SYK: variants seen among roughly 807,000 people sequenced by gnomAD.
SYK encodes spleen associated tyrosine kinase.
Under a neutral mutation model 77.8 loss-of-function variants are expected in SYK, and 16 were observed. The observed-to-expected ratio is 0.21, with a 90% CI of 0.14 to 0.31. SYK has a LOEUF of 0.31. Ranked by LOEUF, SYK falls within the 10% of genes least tolerant of loss-of-function variation. The pLI, the probability that SYK is intolerant of heterozygous loss-of-function variation, is 1.00. For synonymous variants in SYK, 312 were observed against 308.7 expected (o/e 1.01, Z -0.11); for missense variants, 529 against 814.4 (o/e 0.65, Z 4.26).
At chr9:90,813,501 C>G (rs1231079629) in intron 1 of SYK, among the ~76,000 whole-genome samples, 1 of 152,184 alleles carries the variant, frequency 6.6e-6, no homozygotes, top group East Asian at 1.9e-4. Flanking sequence ...GCAGACCAGG[C>G]CTCGGGGTCT....
chr9:90,884,197 A>G (rs1365927318), intron 11 of SYK, among the ~76,000 whole-genome samples: 1 of 152,030 alleles, frequency 6.6e-6, no homozygotes, highest in Admixed American at 6.5e-5. Flanking sequence ...ACACACATAC[A>G]CATACGTGTA....
rs202000893 is a variant in SYK at position 90,862,254 on chromosome 9, C to T, written c.627C>T (p.His209=). ...GCTCCTACGCCCTGTGCCTGCTGCA[C>T]GAAGGGAAGGTGCTGCACTATCGCA... ...NNGSYALCLL[H]EGKVLHYRID... The change falls in exon 4 of 14, where the codon CAC becomes CAT. Residue 209 remains histidine, a synonymous_variant. Coordinates refer to ENST00000375754, the MANE Select transcript of SYK (RefSeq NM_003177.7). 1.9e-5 allele frequency: 30 copies of T among 1,613,912 alleles called. No individual in the cohort carries two copies. The highest frequency in any genetic ancestry group is 1.6e-4 in the Middle Eastern group (1 of 6,082).
chr9:90,815,288 C>T (rs1825249538), intron 1 of SYK, among the ~76,000 whole-genome samples: 1 of 152,160 alleles, frequency 6.6e-6, no homozygotes, highest in African/African-American at 2.4e-5. Flanking sequence ...CTTCCATTTG[C>T]TCATTTTGTA....
At chr9:90,827,394 A>G (rs1243641607) in intron 1 of SYK, 1 of 152,192 alleles carries the variant, frequency 6.6e-6, no homozygotes, top group South Asian at 2.1e-4. Context: ...CATTTCCCTA[A>G]TTACAGACAT....
At position 90,862,221 on chromosome 9, in the gene SYK, C is replaced by A. The variant is rs1827295535; in HGVS notation, c.594C>A (p.Asp198Glu). The A allele has an allele frequency of 6.2e-7, 1 of 1,612,464 alleles. No homozygotes were observed. Among genetic ancestry groups the A allele is most frequent in the East Asian group, 2.2e-5 (1 of 44,846 alleles). ...TCTCTTCTAGGATCCGAGCCAGAGACAACAACGGCTCCTACGCCCTGTGCC... is the reference window on the plus strand; with the variant it reads ...TCTCTTCTAGGATCCGAGCCAGAGAAAACAACGGCTCCTACGCCCTGTGCC... ...TNGKFLIRAR[D>E]NNGSYALCLL... is the part of the protein sequence containing the mutation. The change falls in exon 4 of 14, where the codon GAC becomes GAA. Residue 198 changes from aspartate to glutamate, a missense_variant. Asp to Glu is a conservative substitution (Grantham distance 45). Coordinates refer to ENST00000375754, the MANE Select transcript of SYK (RefSeq NM_003177.7).
intron 7 of SYK, among the ~76,000 whole-genome samples, chr9:90,870,165 T>G (rs1255308288): frequency 6.6e-6 from 1 of 152,088 alleles, no homozygotes; most frequent in Admixed American, 6.6e-5. Context: ...TAAACAAAAT[T>G]AACTTAAGAA....
At chr9:90,859,456 A>T (rs1827167785) in intron 3 of SYK, among the ~76,000 whole-genome samples, 1 of 152,144 alleles carries the variant, frequency 6.6e-6, no homozygotes, top group South Asian at 2.1e-4. Context: ...CCATTTGCTC[A>T]TTTTATTGCT....
At chr9:90,817,868 TGTGTGTGTGTGTGTGA>T (rs1378862600) in intron 1 of SYK, among the ~76,000 whole-genome samples, 1,006 of 42,240 alleles carry the variant, frequency 0.024, 11 homozygotes, top group Admixed American at 0.088. Context: ...TGTGTGTGTG[TGTGTGTGTGTGTGTGA>T]GAGAGAGAGA....
Position 90,850,898 on chromosome 9 carries a change from T to C in SYK, c.578+5304T>C, listed in dbSNP as rs566155950. ...TATTTTGGAGATCAAAATCTGATTA[T>C]AAATCCTAGGTAATGCAGTTCAAAA... On this transcript the variant is annotated intron_variant, in intron 3 of 13. Coordinates refer to ENST00000375754, the MANE Select transcript of SYK (RefSeq NM_003177.7). 6.6e-5 allele frequency among the ~76,000 whole-genome samples: 10 copies of C among 152,150 alleles called. No homozygotes were observed. In the South Asian group the frequency reaches 2.1e-3, roughly 32 times the overall value.
At chr9:90,886,755 T>C (rs115400383) in intron 11 of SYK, among the ~76,000 whole-genome samples, 1,797 of 152,260 alleles carry the variant, frequency 0.012, 36 homozygotes, top group African/African-American at 0.041. Flanking sequence ...AATTACCATA[T>C]GATCCAGCAA....
intron 1 of SYK, among the ~76,000 whole-genome samples, chr9:90,824,540 T>C (rs1825611331): frequency 6.6e-6 from 1 of 152,176 alleles, no homozygotes; most frequent in African/African-American, 2.4e-5. Flanking sequence ...GTGGAATTTA[T>C]TCCAGGTATG....
chr9:90,891,472 T>A (rs1403709106), intron 13 of SYK, among the ~76,000 whole-genome samples: 1 of 152,132 alleles, frequency 6.6e-6, no homozygotes, highest in East Asian at 1.9e-4. Context: ...ATGTTGAATA[T>A]CCCTGGCTCC....
intron 4 of SYK, 79 bp from the exon 5 acceptor site, chr9:90,864,510 T>A: frequency 7.9e-7 from 1 of 1,268,972 alleles, no homozygotes; most frequent in African/African-American, 1.5e-5. Context: ...AGCCCAACAG[T>A]CAGTCAGTAG....
chr9:90,864,591 A>G lies in SYK; in HGVS notation c.720A>G (p.Leu240=). The G allele has an allele frequency of 3.7e-6, 6 of 1,613,732 alleles. No homozygotes were observed. Among genetic ancestry groups the G allele is most frequent in the Non-Finnish European group, 5.1e-6 (6 of 1,179,708 alleles). ...EGKKFDTLWQ[L]VEHYSYKADG... ...TTTCTTACTTTTTTCTCTTTCAGCT[A>G]GTCGAGCATTATTCTTATAAAGCAG... Residue 240 remains leucine, a splice_region_variant and synonymous_variant, in exon 5 of 14, where the codon CTA becomes CTG. Transcript: ENST00000375754.
chr9:90,833,131 T>C (rs1320019326), intron 1 of SYK, among the ~76,000 whole-genome samples: 1 of 152,190 alleles, frequency 6.6e-6, no homozygotes, highest in African/African-American at 2.4e-5. Flanking sequence ...AGGGCTTTCA[T>C]GAGCTAGCTT....
intron 3 of SYK, among the ~76,000 whole-genome samples, chr9:90,855,688 G>GT (rs59765588): frequency 5.3e-5 from 8 of 151,032 alleles, no homozygotes; most frequent in East Asian, 1.9e-4. Context: ...GTGTGTGTGT[G>GT]GGTGTGTGTG....
At position 90,878,755 on chromosome 9, in the gene SYK, G is replaced by A. The variant is rs746304764; in HGVS notation, c.1392-9G>A. The A allele has an allele frequency of 3.5e-5, 56 of 1,598,044 alleles. 1 individual carries two copies. The South Asian group carries it at 5.4e-4, about 15-fold the overall frequency. On this transcript the variant is annotated splice_polypyrimidine_tract_variant and intron_variant, in intron 10 of 13. Transcript: ENST00000375754. ...CTGTTATAGCTGATGAGATCATTAT[G>A]ACTTTCAGACATGTCAAGGATAAGA...
At position 90,844,294 on chromosome 9, in the gene SYK, G is replaced by A; in HGVS notation, c.396G>A (p.Val132=). Residue 132 remains valine (V), a synonymous_variant, in exon 2 of 14, where the codon GTG becomes GTA. Transcript: ENST00000375754. ...AGGAAAACCTCATCAGGGAATATGT[G>A]AAGCAGACATGGAACCTGCAGGTGG... is the stretch of plus-strand genomic sequence containing the variant. The part of the protein sequence containing the change: ...DLKENLIREY[V]KQTWNLQGQA... 6.2e-7 allele frequency: 1 copy of A among 1,610,538 alleles called. No homozygotes were observed. Among genetic ancestry groups the A allele is most frequent in the Non-Finnish European group, 8.5e-7 (1 of 1,178,184 alleles).
In SYK at chr9:90,881,679, C is replaced by CAAA. The variant is rs10526591; in HGVS notation, c.1581+2735_1581+2737dup. Among the ~76,000 whole-genome samples the CAAA allele has an allele frequency of 6.7e-5, 6 of 89,424 alleles. 1 individual carries two copies. The highest frequency in any genetic ancestry group is 2.2e-4 in the African/African-American group (4 of 18,274). 58.7% of individuals were successfully genotyped at this position (89,424 alleles called of 152,430 possible). A position where few individuals can be genotyped will look rare whatever the true frequency, so the allele number is the denominator to read the frequency against. The stretch of plus-strand genomic sequence containing the variant: ...TGGCCAACAGAGCAAGACTCTGTCT[C>CAAA]AAAAAAAAAAAGGAATAAAAAGTGA... On this transcript the variant is annotated intron_variant, in intron 11 of 13. Coordinates refer to ENST00000375754, the MANE Select transcript of SYK (RefSeq NM_003177.7).
Sources: gnomAD v4.1 joint callset for allele counts (sites outside exome capture counted in the v4.1 genomes callset) on GRCh38, gnomAD v4.1.1 for gene constraint, MANE v1.5 for transcripts, NCBI Gene and HGNC (gene_info 2026-07-23, HGNC 2026-07-21) for gene names.